The following TSC22D3 variants were observed in gnomAD, a reference collection of about 807,000 sequenced individuals.
TSC22D3 encodes TSC22 domain family protein 3.
A neutral mutation model predicts 11.1 loss-of-function variants in TSC22D3; 4 were observed. That is an observed-to-expected ratio of 0.36 (90% CI 0.18 to 0.83). The LOEUF (loss-of-function observed/expected upper bound fraction) is 0.83, where lower values mean the gene tolerates loss of function less well. Ranked by LOEUF, TSC22D3 falls within the 40% of genes least tolerant of loss-of-function variation. The pLI is 0.48. For missense variants in TSC22D3, 118 were observed against 159.4 expected, an observed-to-expected ratio of 0.74 and a Z score of 1.40; for synonymous variants, 77 against 70.3, an observed-to-expected ratio of 1.10 and a Z score of -0.48.
At position 107,770,531 on chromosome X, in the gene TSC22D3, A is replaced by AT. The variant is rs773245127; in HGVS notation, c.320+4568dup. 4.7e-4 allele frequency among the ~76,000 whole-genome samples: 52 copies of AT among 111,714 alleles called. No homozygotes were observed. The East Asian group carries it at 8.4e-3, about 18-fold the overall frequency. On this transcript the variant is annotated intron_variant, in intron 1 of 2. Transcript: ENST00000372383. ...ATTAGAAATGTTTGCTATTTTTATCATTTTCTGAGCATTTATATATGGGAA... is the reference window on the plus strand; with the variant it reads ...ATTAGAAATGTTTGCTATTTTTATCATTTTTCTGAGCATTTATATATGGGAA...
chrX:107,773,904 A>G (rs1930018479), intron 1 of TSC22D3, among the ~76,000 whole-genome samples: 1 of 111,653 alleles, frequency 9.0e-6, no homozygotes, highest in South Asian at 3.7e-4. Flanking sequence ...TGCATTCTAA[A>G]TATTTTGTAG....
chrX:107,718,657 C>G (rs1927178181), intron 1 of TSC22D3, among the ~76,000 whole-genome samples: 1 of 112,839 alleles, frequency 8.9e-6, no homozygotes, highest in African/African-American at 3.2e-5. Context: ...TGGTGTGGTG[C>G]TCTATTGGTG....
chrX:107,732,995 C>T (rs886085318), intron 1 of TSC22D3, among the ~76,000 whole-genome samples: 2 of 109,157 alleles, frequency 1.8e-5, no homozygotes, highest in African/African-American at 3.4e-5. Context: ...CAGCTACTCC[C>T]GGCCGAGGTG....
At chrX:107,716,408 G>T in intron 1 of TSC22D3, 22 of 957,545 alleles carry the variant, frequency 2.3e-5, no homozygotes, top group Non-Finnish European at 2.9e-5. Flanking sequence ...CCCCTGCCCA[G>T]CCCTGTCTGG....
intron 1 of TSC22D3, among the ~76,000 whole-genome samples, chrX:107,739,846 T>G (rs1339912297): frequency 8.9e-6 from 1 of 112,256 alleles, no homozygotes; most frequent in African/African-American, 3.2e-5. Flanking sequence ...AGTGTCCCGC[T>G]TGGGGTCTTT....
intron 1 of TSC22D3, among the ~76,000 whole-genome samples, chrX:107,746,741 C>T (rs1324949322): frequency 2.7e-5 from 3 of 112,413 alleles, no homozygotes; most frequent in Non-Finnish European, 5.6e-5. Flanking sequence ...GACATATGTA[C>T]GGAGTTACAC....
At chrX:107,760,282 A>G (rs887717201) in intron 1 of TSC22D3, among the ~76,000 whole-genome samples, 4 of 112,712 alleles carry the variant, frequency 3.5e-5, no homozygotes, top group East Asian at 2.8e-4. Flanking sequence ...TCTATTAAAC[A>G]AAATCAAATT....
At chrX:107,738,268 G>T (rs2147751861) in intron 1 of TSC22D3, among the ~76,000 whole-genome samples, 1 of 112,819 alleles carries the variant, frequency 8.9e-6, no homozygotes, top group Non-Finnish European at 1.9e-5. Context: ...AAGGCAATTA[G>T]GTAGCTTTTC....
At chrX:107,772,082 A>G (rs1484940036) in intron 1 of TSC22D3, among the ~76,000 whole-genome samples, 1 of 112,115 alleles carries the variant, frequency 8.9e-6, no homozygotes, top group Non-Finnish European at 1.9e-5. Flanking sequence ...CCTACCCTCA[A>G]ATTGCTTATA....
At chrX:107,719,470 G>C (rs1016202334) in intron 1 of TSC22D3, among the ~76,000 whole-genome samples, 4 of 112,386 alleles carry the variant, frequency 3.6e-5, no homozygotes, top group African/African-American at 1.3e-4. Context: ...CACTGTGCTG[G>C]CTGCACCACC....
At chrX:107,770,631 A>T (rs1929866745) in intron 1 of TSC22D3, among the ~76,000 whole-genome samples, 1 of 111,775 alleles carries the variant, frequency 8.9e-6, no homozygotes, top group Non-Finnish European at 1.9e-5. Context: ...TCGGATTCAG[A>T]GTATTTCAGA....
intron 1 of TSC22D3, among the ~76,000 whole-genome samples, chrX:107,732,616 G>A (rs745310604): frequency 1.8e-5 from 2 of 111,344 alleles, no homozygotes; most frequent in South Asian, 3.8e-4. Context: ...GAATCTTCAG[G>A]GGTGAAACTT....
chrX:107,746,525 G>A (rs1210581827), intron 1 of TSC22D3, among the ~76,000 whole-genome samples: 1 of 110,399 alleles, frequency 9.1e-6, no homozygotes, highest in Non-Finnish European at 1.9e-5. Flanking sequence ...TCCATATACA[G>A]GATTTGACTC....
chrX:107,766,763 C>G (rs1929677955), intron 1 of TSC22D3, among the ~76,000 whole-genome samples: 1 of 110,964 alleles, frequency 9.0e-6, no homozygotes, highest in African/African-American at 3.3e-5. Flanking sequence ...TTGCCTGACA[C>G]TGGGGAGAGT....
intron 1 of TSC22D3, among the ~76,000 whole-genome samples, chrX:107,761,553 C>T (rs1426280548): frequency 2.7e-5 from 3 of 112,463 alleles, no homozygotes; most frequent in Non-Finnish European, 5.6e-5. Context: ...CTTCACTGAC[C>T]TCCATCCTAT....
chrX:107,727,063 T>C (rs1927669181), intron 1 of TSC22D3, among the ~76,000 whole-genome samples: 1 of 111,607 alleles, frequency 9.0e-6, no homozygotes, highest in African/African-American at 3.3e-5. Context: ...CTTGGACATC[T>C]TGGGGCACCG....
At chrX:107,732,810 C>A (rs1230605064) in intron 1 of TSC22D3, among the ~76,000 whole-genome samples, 1 of 111,430 alleles carries the variant, frequency 9.0e-6, no homozygotes, top group African/African-American at 3.3e-5. Context: ...TAAAATAGTC[C>A]ATGTAGGCTG....
Position 107,775,348 on chromosome X carries a change from G to C in TSC22D3, c.72C>G (p.Ala24=), listed in dbSNP as rs139122300. 8.3e-7 allele frequency: 1 copy of C among 1,209,516 alleles called. No homozygotes were observed. Among genetic ancestry groups the C allele is most frequent in the Admixed American group, 2.2e-5 (1 of 45,816 alleles). The part of the protein sequence containing the change: ...LDCCNCCLDL[A]HRSGLQRGSS... ...TGCCTCGCTGGAGCCCACTCCGATG[G>C]GCCAGGTCCAGGCAGCAGTTGCAGC... The change falls in exon 1 of 3, where the codon GCC becomes GCG. Residue 24 remains alanine, a synonymous_variant. Transcript: ENST00000372383.
intron 1 of TSC22D3, among the ~76,000 whole-genome samples, chrX:107,720,382 C>T (rs1433253422): frequency 9.0e-6 from 1 of 111,658 alleles, no homozygotes; most frequent in African/African-American, 3.3e-5. Flanking sequence ...AGAATATGGA[C>T]TTAAATGTCT....
Sources: gnomAD v4.1 joint callset for allele counts (sites outside exome capture counted in the v4.1 genomes callset) on GRCh38, gnomAD v4.1.1 for gene constraint, MANE v1.5 for transcripts, NCBI Gene and HGNC (gene_info 2026-07-23, HGNC 2026-07-21) for gene names.